The following BBOF1 variants were observed in gnomAD, a reference collection of about 807,000 sequenced individuals.
The protein encoded by BBOF1 is basal body orientation factor 1.
In BBOF1, 62 loss-of-function variants were observed where a neutral mutation model predicts 68.0. The observed-to-expected ratio is 0.91, with a 90% CI of 0.74 to 1.13. The LOEUF (loss-of-function observed/expected upper bound fraction) is 1.13. BBOF1 is among the 50% of genes most tolerant of loss of function. BBOF1 has a pLI of 0.00. For synonymous variants in BBOF1, 208 were observed against 198.8 expected (o/e 1.05, Z -0.39); for missense variants, 534 against 600.1 (o/e 0.89, Z 1.15).
intron 6 of BBOF1, among the ~76,000 whole-genome samples, chr14:74,047,159 T>TA (rs2059968586): frequency 6.6e-6 from 1 of 152,208 alleles, no homozygotes; most frequent in African/African-American, 2.4e-5. Flanking sequence ...CTTGCAGGGT[T>TA]GTCATGAGGT....
At chr14:74,049,534 C>G (rs1361358380) in intron 7 of BBOF1, among the ~76,000 whole-genome samples, 168 bp from the exon 8 acceptor site, 1 of 152,002 alleles carries the variant, frequency 6.6e-6, no homozygotes, top group Non-Finnish European at 1.5e-5. Flanking sequence ...TGGTGATGGG[C>G]ACCTGTAATC....
At chr14:74,076,233 T>C (rs1165541297) in intron 9 of BBOF1, among the ~76,000 whole-genome samples, 2 of 152,184 alleles carry the variant, frequency 1.3e-5, no homozygotes, top group African/African-American at 2.4e-5. Context: ...TGAAATGCCA[T>C]AGGTACATTA....
At chr14:74,050,269 G>C (rs2060037798) in intron 8 of BBOF1, 74 bp downstream of exon 8, 8 of 1,483,282 alleles carry the variant, frequency 5.4e-6, no homozygotes, top group Non-Finnish European at 6.3e-6. Flanking sequence ...AGTCTGAAAA[G>C]TTTAGTTTTA....
At chr14:74,047,796 G>A (rs1261853762) in intron 6 of BBOF1, 134 bp from the exon 7 acceptor site, 3 of 703,000 alleles carry the variant, frequency 4.3e-6, no homozygotes, top group Non-Finnish European at 6.8e-6. Context: ...TAACTACTGA[G>A]TACCCACCAT....
At chr14:74,068,897 C>G, downstream of BBOF1, 1 of 1,614,060 alleles carries the variant, frequency 6.2e-7, no homozygotes, top group Middle Eastern at 1.6e-4. Flanking sequence ...TCTTGATCCT[C>G]TCTCGAAGAT....
At chr14:74,071,616 C>T (rs1175290635) in intron 9 of BBOF1, 9 of 1,577,976 alleles carry the variant, frequency 5.7e-6, no homozygotes, top group African/African-American at 1.3e-5. Context: ...GCAGGGTACA[C>T]TGACTTGCCC....
Position 74,057,268 on chromosome 14 carries a change from CTG to C in BBOF1, c.1578+12_1578+13del, listed in dbSNP as rs1308985882. The C allele has an allele frequency of 2.4e-5, 38 of 1,613,980 alleles. 1 individual carries two copies. The highest frequency in any genetic ancestry group is 3.0e-5 in the Non-Finnish European group (35 of 1,180,004). On this transcript the variant is annotated intron_variant, in intron 11 of 11. Transcript: ENST00000394009. The stretch of plus-strand genomic sequence containing the variant: ...TCAGGAGTCTGACACAGTAAGGAGT[CTG>C]TATCTAATCAAACAATGTATATTGT...
intron 5 of BBOF1, among the ~76,000 whole-genome samples, chr14:74,044,180 A>G (rs942529284): frequency 1.3e-5 from 2 of 151,896 alleles, no homozygotes; most frequent in African/African-American, 4.8e-5. Flanking sequence ...CGGGAGACAG[A>G]TGTTGCAGTG....
intron 4 of BBOF1, among the ~76,000 whole-genome samples, chr14:74,037,382 C>T (rs921404756): frequency 2.7e-5 from 4 of 146,814 alleles, no homozygotes; most frequent in African/African-American, 1.0e-4. Flanking sequence ...GCCTCTACTT[C>T]CCTGGGCTCA....
chr14:74,024,264 C>A (rs1441220271), intron 2 of BBOF1, among the ~76,000 whole-genome samples: 1 of 151,856 alleles, frequency 6.6e-6, no homozygotes, highest in Non-Finnish European at 1.5e-5. Context: ...TCAGGACCAG[C>A]CTGGGGAACA....
chr14:74,065,143 A>G lies in BBOF1; in HGVS notation c.*444A>G, dbSNP rs2139764365. On this transcript the variant is annotated 3_prime_UTR_variant, in exon 12 of 12. Transcript: ENST00000394009. ...ACTGTTTCCTCTTAGGAAATAGTAA[A>G]TGGATATAAGAATCTCTTAAAAATT... The G allele has an allele frequency of 1.2e-6, 2 of 1,608,978 alleles. No individual in the cohort carries two copies. The highest frequency in any genetic ancestry group is 2.2e-5 in the East Asian group (1 of 44,836).
At chr14:74,022,773 T>C (rs2059332174) in intron 1 of BBOF1, 143 bp from the exon 2 acceptor site, 1 of 399,592 alleles carries the variant, frequency 2.5e-6, no homozygotes, top group Non-Finnish European at 4.5e-6. Flanking sequence ...TCCAACAATA[T>C]TTGATCATGT....
chr14:74,069,567 A>G (rs2060520680), downstream of BBOF1, among the ~76,000 whole-genome samples: 1 of 151,746 alleles, frequency 6.6e-6, no homozygotes, highest in Non-Finnish European at 1.5e-5. Context: ...CCTAGCCAAT[A>G]TGGTGAAACC....
At chr14:74,051,312 A>C (rs1192278121) in intron 8 of BBOF1, among the ~76,000 whole-genome samples, 1 of 151,608 alleles carries the variant, frequency 6.6e-6, no homozygotes, top group Non-Finnish European at 1.5e-5. Flanking sequence ...CCAGCTACTC[A>C]GTAGGCACAA....
At chr14:74,061,764 T>G (rs1384708801) in intron 11 of BBOF1, among the ~76,000 whole-genome samples, 1 of 152,108 alleles carries the variant, frequency 6.6e-6, no homozygotes, top group Non-Finnish European at 1.5e-5. Flanking sequence ...GCCCAAAAAT[T>G]CAGCATATTT....
intron 4 of BBOF1, among the ~76,000 whole-genome samples, chr14:74,040,236 A>C (rs1566803119): frequency 6.6e-6 from 1 of 151,920 alleles, no homozygotes; most frequent in Non-Finnish European, 1.5e-5. Flanking sequence ...CTATCTACCC[A>C]CCTTAGCCTC....
At chr14:74,050,322 G>A in intron 8 of BBOF1, 127 bp downstream of exon 8, 1 of 1,064,612 alleles carries the variant, frequency 9.4e-7, no homozygotes, top group Non-Finnish European at 1.3e-6. Flanking sequence ...GGTTACTTGA[G>A]GACAGGAACT....
At chr14:74,066,790 G>A (rs760147790), downstream of BBOF1, 6 of 1,613,914 alleles carry the variant, frequency 3.7e-6, no homozygotes, top group Admixed American at 3.3e-5. Context: ...AAGAAGGATG[G>A]AAGCTCCCTC....
In BBOF1 at chr14:74,029,228, C is replaced by A. The variant is rs990926393; in HGVS notation, c.330C>A (p.Ala110=). ...AATTAAATGAAACAAAGGAAAAAGCCCAAGAGGAGAAGGATAAATTGGTGA... is the reference window on the plus strand; with the variant it reads ...AATTAAATGAAACAAAGGAAAAAGCACAAGAGGAGAAGGATAAATTGGTGA... ...KQQLNETKEK[A]QEEKDKLEQK... The change falls in exon 3 of 12, where the codon GCC becomes GCA. Residue 110 remains alanine, a synonymous_variant. Transcript: ENST00000394009. 10 of 1,561,574 alleles carry A rather than the reference C, an allele frequency of 6.4e-6. No individual in the cohort carries two copies. Among genetic ancestry groups the A allele is most frequent in the Non-Finnish European group, 8.7e-6 (10 of 1,150,782 alleles).
Sources: gnomAD v4.1 joint callset for allele counts (sites outside exome capture counted in the v4.1 genomes callset) on GRCh38, gnomAD v4.1.1 for gene constraint, MANE v1.5 for transcripts, NCBI Gene and HGNC (gene_info 2026-07-23, HGNC 2026-07-21) for gene names.